The following RARA variants were observed in gnomAD, a reference collection of about 807,000 sequenced individuals.
The protein encoded by RARA is retinoic acid receptor alpha, also known as PML-DDX5-RARA fusion.
In RARA, 5 loss-of-function variants were observed where a neutral mutation model predicts 42.8. The observed-to-expected ratio is 0.12, with a 90% CI of 0.06 to 0.25. The LOEUF (loss-of-function observed/expected upper bound fraction) is 0.25, where lower values mean the gene tolerates loss of function less well. Among genes scored for constraint, RARA ranks in the 10% least tolerant of loss-of-function variants. The pLI is 1.00. For missense variants in RARA, 402 were observed against 628.7 expected (o/e 0.64, Z 3.86); for synonymous variants, 256 against 259.5 (o/e 0.99, Z 0.13).
intron 2 of RARA, among the ~76,000 whole-genome samples, chr17:40,337,886 AGGAGGGACAGCCCAGGC>A (rs1361625546): frequency 4.2e-4 from 64 of 152,286 alleles, no homozygotes; most frequent in African/African-American, 1.3e-3. Flanking sequence ...CCTGGACAAT[AGGAGGGACAGCCCAGGC>A]GGAGGGACAG....
chr17:40,336,227 G>C (rs1444074950), intron 2 of RARA, among the ~76,000 whole-genome samples: 2 of 152,008 alleles, frequency 1.3e-5, no homozygotes, highest in African/African-American at 4.8e-5. Flanking sequence ...ACAGGCGCCC[G>C]CCACTATGCT....
At chr17:40,348,008 G>A (rs78200580) in intron 2 of RARA, 3,077 of 265,642 alleles carry the variant, frequency 0.012, 27 homozygotes, top group Non-Finnish European at 0.018. Context: ...GAATCAGGGT[G>A]ACCCCCACCC....
Position 40,349,994 on chromosome 17 carries a change from G to A in RARA, c.469+69G>A, listed in dbSNP as rs1223833175. 2.5e-6 allele frequency: 4 copies of A among 1,583,918 alleles called. No individual in the cohort carries two copies. The Admixed American group carries it at 7.0e-5, about 28-fold the overall frequency. ...TCTCAGATGCTCCTAAAGACCAAGGGAGCAGGGCTCTGTGGATGTTTGTGC... is the reference window on the plus strand; with the variant it reads ...TCTCAGATGCTCCTAAAGACCAAGGAAGCAGGGCTCTGTGGATGTTTGTGC... On this transcript the variant is annotated intron_variant, in intron 4 of 8. Coordinates refer to ENST00000254066, the MANE Select transcript of RARA (RefSeq NM_000964.4).
rs1337521160 is a variant in RARA at position 40,348,353 on chromosome 17, G to A, written c.216G>A (p.Val72=). The change falls in exon 3 of 9, where the codon GTG becomes GTA. Residue 72 remains valine (V), a synonymous_variant. Transcript: ENST00000254066. ...AGAGCAGCAGTTCTGAAGAGATAGT[G>A]CCCAGCCCTCCCTCGCCACCCCCTC... ...ETQSSSSEEI[V]PSPPSPPPLP... The A allele has an allele frequency of 2.5e-6, 4 of 1,611,690 alleles. No homozygotes were observed. The South Asian group carries it at 3.3e-5, about 13-fold the overall frequency.
chr17:40,349,953 C>A, intron 4 of RARA, 28 bp downstream of exon 4: 1 of 1,610,726 alleles, frequency 6.2e-7, no homozygotes. Flanking sequence ...GGGGCCGAGT[C>A]CCGCCTCAGT....
intron 2 of RARA, chr17:40,342,377 G>A (rs112359597): frequency 6.0e-5 from 67 of 1,108,040 alleles, no homozygotes; most frequent in Non-Finnish European, 7.4e-5. Flanking sequence ...GCTGTACTCT[G>A]CCTCGGACGC....
intron 2 of RARA, chr17:40,342,066 G>T: frequency 9.4e-7 from 1 of 1,058,780 alleles, no homozygotes; most frequent in Non-Finnish European, 1.1e-6. Context: ...GCCGGGAATG[G>T]GTTAAGCCAG....
At chr17:40,337,914 C>A (rs541864512) in intron 2 of RARA, among the ~76,000 whole-genome samples, 6 of 152,298 alleles carry the variant, frequency 3.9e-5, no homozygotes, top group African/African-American at 1.4e-4. Context: ...GGAGGGACAG[C>A]CCAGGCAGAG....
chr17:40,323,514 G>T (rs1016754486), intron 1 of RARA, among the ~76,000 whole-genome samples: 2 of 151,754 alleles, frequency 1.3e-5, no homozygotes, highest in African/African-American at 4.8e-5. Flanking sequence ...GGGAGGTGGG[G>T]GCTCTGCAGA....
At chr17:40,334,089 GC>G (rs1216114968) in intron 2 of RARA, among the ~76,000 whole-genome samples, 1 of 152,224 alleles carries the variant, frequency 6.6e-6, no homozygotes, top group Non-Finnish European at 1.5e-5. Context: ...GGGGGCTGGG[GC>G]CTGGCCCCAT....
intron 2 of RARA, chr17:40,343,124 T>G: frequency 1.9e-6 from 1 of 537,004 alleles, no homozygotes; most frequent in Non-Finnish European, 2.8e-6. Flanking sequence ...CCTTCATCTC[T>G]TGTTTCACTT....
Position 40,313,919 on chromosome 17 carries a change from C to A in RARA, c.-363+4633C>A, listed in dbSNP as rs140166852. Among the ~76,000 whole-genome samples, 170 of 152,266 alleles carry A rather than the reference C, an allele frequency of 1.1e-3. 2 individuals carry two copies. The highest frequency in any genetic ancestry group is 3.8e-3 in the African/African-American group (159 of 41,534). ...GTCAACTCTCCTTGGGCCCCACCAA[C>A]TCTTCTGGGACTTGCGGAGTTGCTC... On this transcript the variant is annotated intron_variant, in intron 1 of 8. Transcript: ENST00000254066.
intron 2 of RARA, among the ~76,000 whole-genome samples, chr17:40,344,891 T>G (rs1319971381): frequency 6.6e-6 from 1 of 152,148 alleles, no homozygotes; most frequent in African/African-American, 2.4e-5. Flanking sequence ...TGCCACCACC[T>G]TGGAAGGGTC....
rs578056975 is a variant in RARA, at chr17:40,355,090, C to A, written c.1013-173C>A. Among the ~76,000 whole-genome samples the A allele has an allele frequency of 2.4e-4, 36 of 152,306 alleles. No individual in the cohort carries two copies. Among genetic ancestry groups the A allele is most frequent in the Non-Finnish European group, 4.7e-4 (32 of 68,020 alleles). On this transcript the variant is annotated intron_variant, in intron 7 of 8. Transcript: ENST00000254066. This position sits in a 1 kb window ranked among gnomAD's most constrained non-coding sequence, Gnocchi z 4.1. The stretch of plus-strand genomic sequence containing the variant: ...CCCTCACCCTCAGCTCCCGTTGCTC[C>A]CTTTTAAGGGCCTCTGTACCCTGCG...
chr17:40,333,796 C>A (rs1047358309), intron 2 of RARA, among the ~76,000 whole-genome samples: 1 of 152,158 alleles, frequency 6.6e-6, no homozygotes, highest in Non-Finnish European at 1.5e-5. Flanking sequence ...GCCACCACAC[C>A]AGGCTGATTT....
intron 1 of RARA, chr17:40,322,916 C>G (rs1217042584): frequency 1.3e-5 from 2 of 152,102 alleles, no homozygotes; most frequent in African/African-American, 2.4e-5. Flanking sequence ...CATCACCCCC[C>G]CAACACTAAG....
At position 40,355,323 on chromosome 17, in the gene RARA, C is replaced by T. The variant is rs866375031; in HGVS notation, c.1073C>T (p.Ala358Val). The change falls in exon 8 of 9, where the codon GCG (alanine) becomes GTG (valine). Residue 358 changes from alanine (A) to valine (V), a missense_variant. By Grantham distance (64) the Ala-to-Val change is moderately conservative. Around this residue, in one of 5 missense-constraint regions of RARA, gnomAD observed 104 missense variants for 160.1 expected, o/e 0.65. Transcript: ENST00000254066. The surrounding 1 kb of genome is among the most constrained non-coding windows in gnomAD (Gnocchi z 4.1). Reference sequence around the variant, plus strand: ...ATGCTGCAGGAGCCGCTGCTGGAGGCGCTAAAGGTCTACGTGCGGAAGCGG... The same window carrying T: ...ATGCTGCAGGAGCCGCTGCTGGAGGTGCTAAAGGTCTACGTGCGGAAGCGG... ...VDMLQEPLLE[A>V]LKVYVRKRRP... The T allele has an allele frequency of 6.2e-6, 10 of 1,610,096 alleles. No homozygotes were observed. Among genetic ancestry groups the T allele is most frequent in the East Asian group, 2.2e-5 (1 of 44,774 alleles).
At chr17:40,325,293 AAAT>A (rs2033507774) in intron 1 of RARA, among the ~76,000 whole-genome samples, 8 of 151,682 alleles carry the variant, frequency 5.3e-5, no homozygotes, top group East Asian at 1.9e-4. Context: ...ATAAATAAAT[AAAT>A]AAAAAGAGGC....
Position 40,348,601 on chromosome 17 carries a change from G to A in RARA, c.327+137G>A, listed in dbSNP as rs1598578513. 4 of 1,168,352 alleles carry A rather than the reference G, an allele frequency of 3.4e-6. No individual in the cohort carries two copies. In the East Asian group the frequency reaches 8.9e-5, roughly 26 times the overall value. 72.4% of individuals were successfully genotyped at this position (1,168,352 alleles called of 1,614,324 possible). ...CTTTCTCTGTGGAAGTTGGCAGCAA[G>A]CAGGGACACCTACCACAGTTTCCCC... On this transcript the variant is annotated intron_variant, in intron 3 of 8. Transcript: ENST00000254066.
Sources: gnomAD v4.1 joint callset for allele counts (sites outside exome capture counted in the v4.1 genomes callset) on GRCh38, gnomAD v4.1.1 for gene constraint, gnomAD v4.1.1 regional missense constraint, Gnocchi (gnomAD v3.1) non-coding constraint, MANE v1.5 for transcripts, NCBI Gene and HGNC (gene_info 2026-07-23, HGNC 2026-07-21) for gene names.